Variants in TMEM80 observed in about 807,000 individuals in gnomAD.
TMEM80 encodes the protein transmembrane protein 80.
In TMEM80, 16 loss-of-function variants were observed where a neutral mutation model predicts 13.6. That is an observed-to-expected ratio of 1.17 (90% CI 0.79 to 1.78). The LOEUF (loss-of-function observed/expected upper bound fraction) is 1.78, where lower values mean the gene tolerates loss of function less well. TMEM80 is among the 40% of genes most tolerant of loss of function. The pLI, the probability that TMEM80 is intolerant of heterozygous loss-of-function variation, is 0.00. For missense variants in TMEM80, 167 were observed against 184.6 expected (o/e 0.90, Z 0.55); for synonymous variants, 92 against 89.5 (o/e 1.03, Z -0.16).
intron 1 of TMEM80, among the ~76,000 whole-genome samples, chr11:696,364 A>G (rs555421072): frequency 6.6e-6 from 1 of 152,204 alleles, no homozygotes; most frequent in East Asian, 1.9e-4. Context: ...TGAAGTGCCA[A>G]ACCTTCGTGC....
intron 4 of TMEM80, among the ~76,000 whole-genome samples, chr11:702,390 G>A (rs567872099): frequency 3.9e-5 from 6 of 152,220 alleles, no homozygotes; most frequent in Non-Finnish European, 8.8e-5. Context: ...ACAGGGTGTG[G>A]CCTGGCCCTG....
chr11:701,351 G>A (rs1320570035), intron 4 of TMEM80, among the ~76,000 whole-genome samples: 3 of 147,286 alleles, frequency 2.0e-5, no homozygotes, highest in Non-Finnish European at 4.5e-5. Flanking sequence ...ACCACGCCCA[G>A]CTAATTTTGT....
At chr11:700,327 G>GA in intron 3 of TMEM80, 92 bp downstream of exon 3, 1 of 1,190,066 alleles carries the variant, frequency 8.4e-7, no homozygotes, top group Non-Finnish European at 1.2e-6. Context: ...AGGAGTTTGA[G>GA]ACCAGCCAGG....
rs1433896853 is a variant in TMEM80 at position 703,759 on chromosome 11, C to T, written c.*609C>T. The T allele has an allele frequency of 2.0e-5, 25 of 1,232,854 alleles. No individual in the cohort carries two copies. The highest frequency in any genetic ancestry group is 2.5e-5 in the Non-Finnish European group (25 of 988,922). 76.4% of individuals were successfully genotyped at this position (1,232,854 alleles called of 1,614,324 possible). On this transcript the variant is annotated 3_prime_UTR_variant, in exon 5 of 5. Coordinates refer to ENST00000397510, the MANE Select transcript of TMEM80 (RefSeq NM_001042463.3). ...AAATGCAAACAAGCCAACAGCTCTG[C>T]TGCCTAGCAATTTCCATCTTAGCCA...
At chr11:704,424 CCTGT>C (rs1244120011), downstream of TMEM80, 2 of 1,285,856 alleles carry the variant, frequency 1.6e-6, no homozygotes, top group African/African-American at 3.0e-5. Flanking sequence ...CTTCCTTTGA[CCTGT>C]CTGTGGCCCC....
At chr11:702,229 C>T (rs546665137) in intron 4 of TMEM80, among the ~76,000 whole-genome samples, 126 of 152,366 alleles carry the variant, frequency 8.3e-4, no homozygotes, top group Non-Finnish European at 1.6e-3. Context: ...GGTGCCCGGC[C>T]GTCAGTGTCT....
At chr11:695,794 G>C, upstream of TMEM80, 4 of 1,235,816 alleles carry the variant, frequency 3.2e-6, no homozygotes, top group Non-Finnish European at 4.0e-6. Context: ...GAGGCTGCCG[G>C]GATCGCGACG....
chr11:700,168 G>A lies in TMEM80; in HGVS notation c.66G>A (p.Leu22=), dbSNP rs1470299102. Reference sequence around the variant, plus strand: ...TCTCTTCAGTTCCCCTTCAAATGCTGTTTTATCTCAGCGGAACGTACTACG... The same window carrying A: ...TCTCTTCAGTTCCCCTTCAAATGCTATTTTATCTCAGCGGAACGTACTACG... ...TVLSSVPLQM[L]FYLSGTYYAL... is the part of the protein sequence containing the mutation. Residue 22 remains leucine, a synonymous_variant, in exon 3 of 5, where the codon CTG becomes CTA. Coordinates refer to ENST00000397510, the MANE Select transcript of TMEM80 (RefSeq NM_001042463.3). The A allele has an allele frequency of 6.2e-7, 1 of 1,614,148 alleles. No individual in the cohort carries two copies. The highest frequency in any genetic ancestry group is 1.7e-5 in the Admixed American group (1 of 60,026).
At chr11:704,832 A>C, downstream of TMEM80, 2 of 377,328 alleles carry the variant, frequency 5.3e-6, no homozygotes, top group Non-Finnish European at 1.0e-5. Context: ...GTGGAGAGGG[A>C]CCCCACCCCC....
chr11:695,809 G>C, upstream of TMEM80: 1 of 1,232,454 alleles, frequency 8.1e-7, no homozygotes, highest in Non-Finnish European at 1.0e-6. Flanking sequence ...GCGACGGACC[G>C]GCGGGCGGGG....
At chr11:701,551 C>T (rs1245583848) in intron 4 of TMEM80, among the ~76,000 whole-genome samples, 3 of 151,992 alleles carry the variant, frequency 2.0e-5, no homozygotes, top group African/African-American at 4.8e-5. Context: ...ACTGGGACTA[C>T]AGGTGCCCGC....
At chr11:700,444 T>G (rs1219589243) in intron 3 of TMEM80, among the ~76,000 whole-genome samples, 171 bp from the exon 4 acceptor site, 1 of 151,860 alleles carries the variant, frequency 6.6e-6, no homozygotes, top group Non-Finnish European at 1.5e-5. Context: ...GGAGGATTGC[T>G]TGAACCCGGG....
At chr11:704,976 G>A, downstream of TMEM80, 1 of 297,026 alleles carries the variant, frequency 3.4e-6, no homozygotes. Context: ...CTCATGCATG[G>A]AGCAGGATCA....
In TMEM80 at chr11:704,045, ATGTT is replaced by A; in HGVS notation, c.*898_*901del. The A allele has an allele frequency of 3.4e-6, 4 of 1,166,206 alleles. No homozygotes were observed. The highest frequency in any genetic ancestry group is 4.2e-6 in the Non-Finnish European group (4 of 944,500). The allele number at this position is 1,166,206 out of a possible 1,614,324, so 72.2% of individuals were successfully genotyped here. On this transcript the variant is annotated 3_prime_UTR_variant, in exon 5 of 5. Transcript: ENST00000397510. ...CACTTGATTCTATTGTGTGTTTTCT[ATGTT>A]TGGAATAATTACACCCAAATATCTA... is the stretch of plus-strand genomic sequence containing the variant.
At chr11:699,526 C>G (rs1861347738) in intron 2 of TMEM80, 1 of 153,988 alleles carries the variant, frequency 6.5e-6, no homozygotes, top group Non-Finnish European at 1.4e-5. Flanking sequence ...GTGGACAGAT[C>G]ACTTGACACC....
intron 1 of TMEM80, among the ~76,000 whole-genome samples, chr11:698,480 C>T (rs938964966): frequency 1.6e-4 from 25 of 152,234 alleles, no homozygotes; most frequent in African/African-American, 5.8e-4. Context: ...AAAAGGTTTT[C>T]ATCTAGTCAT....
In TMEM80 at chr11:698,783, G is replaced by A. The variant is rs201988668; in HGVS notation, c.20-86G>A. On this transcript the variant is annotated intron_variant, in intron 1 of 4. Transcript: ENST00000397510. ...TACGAGATCAAAGGAAAATAAAGCA[G>A]GGGTGGTTCCTGTCAGTGTGGAGCG... 3.4e-6 allele frequency: 5 copies of A among 1,480,620 alleles called. No homozygotes were observed. In the African/African-American group the frequency reaches 6.9e-5, roughly 21 times the overall value. 91.7% of individuals were successfully genotyped at this position (1,480,620 alleles called of 1,614,324 possible). A position where few individuals can be genotyped will look rare whatever the true frequency, so the allele number is the denominator to read the frequency against.
chr11:701,485 A>G (rs1425461735), intron 4 of TMEM80, among the ~76,000 whole-genome samples: 58 of 133,442 alleles, frequency 4.3e-4, no homozygotes, highest in Non-Finnish European at 8.0e-4. Flanking sequence ...AACTTGGCTC[A>G]CTGCAAGCTC....
In TMEM80 at chr11:703,791, T is replaced by G. The variant is rs1346162435; in HGVS notation, c.*641T>G. On this transcript the variant is annotated 3_prime_UTR_variant, in exon 5 of 5. Coordinates refer to ENST00000397510, the MANE Select transcript of TMEM80 (RefSeq NM_001042463.3). ...GCAATTTCCATCTTAGCCACACTTCTCCCTTCAGGGGCTTCGGAGGAGAGG... is the reference window on the plus strand; with the variant it reads ...GCAATTTCCATCTTAGCCACACTTCGCCCTTCAGGGGCTTCGGAGGAGAGG... 2 of 1,233,022 alleles carry G rather than the reference T, an allele frequency of 1.6e-6. No individual in the cohort carries two copies. Among genetic ancestry groups the G allele is most frequent in the Non-Finnish European group, 2.0e-6 (2 of 989,082 alleles). The allele number at this position is 1,233,022 out of a possible 1,614,324, so 76.4% of individuals were successfully genotyped here. A position where few individuals can be genotyped will look rare whatever the true frequency, so the allele number is the denominator to read the frequency against.
Sources: gnomAD v4.1 joint callset for allele counts (sites outside exome capture counted in the v4.1 genomes callset) on GRCh38, gnomAD v4.1.1 for gene constraint, MANE v1.5 for transcripts, NCBI Gene and HGNC (gene_info 2026-07-23, HGNC 2026-07-21) for gene names.